The following PXDN variants were observed in gnomAD, a reference collection of about 807,000 sequenced individuals.
The protein encoded by PXDN is peroxidasin homolog.
Under a neutral mutation model 140.3 loss-of-function variants are expected in PXDN, and 77 were observed. The observed-to-expected ratio is 0.55, with a 90% CI of 0.46 to 0.66. PXDN has a LOEUF of 0.66. Among genes scored for constraint, PXDN ranks in the 30% least tolerant of loss-of-function variants. The pLI is 0.00. For missense variants in PXDN, 1,838 were observed against 2,039.5 expected, an observed-to-expected ratio of 0.90 and a Z score of 1.90; for synonymous variants, 911 against 857.4, an observed-to-expected ratio of 1.06 and a Z score of -1.09.
At position 1,649,909 on chromosome 2, in the gene PXDN, T is replaced by C. The variant is rs1451060635; in HGVS notation, c.2105-234A>G. On this transcript the variant is annotated intron_variant, in intron 16 of 22. Coordinates refer to ENST00000252804, the MANE Select transcript of PXDN (RefSeq NM_012293.3). This position sits in a 1 kb window ranked among gnomAD's most constrained non-coding sequence, Gnocchi z 7.1. ...CAGGTATTCTCTCCACAGCCCCAGT[T>C]TCTGGGCCCTGTCTCCCCTCCCCAC... 1.3e-5 allele frequency among the ~76,000 whole-genome samples: 2 copies of C among 152,094 alleles called. No homozygotes were observed. Among genetic ancestry groups the C allele is most frequent in the Non-Finnish European group, 2.9e-5 (2 of 68,006 alleles).
chr2:1,666,636 A>G, intron 9 of PXDN, 150 bp from the exon 10 acceptor site: 1 of 1,123,600 alleles, frequency 8.9e-7, no homozygotes, highest in South Asian at 1.7e-5. Flanking sequence ...TTTTAAAGAA[A>G]TGTGCAGACA....
rs766031278 is a variant in PXDN at position 1,687,719 on chromosome 2, T to C, written c.345-16A>G. 8.7e-6 allele frequency: 13 copies of C among 1,489,902 alleles called. No individual in the cohort carries two copies. The highest frequency in any genetic ancestry group is 1.2e-5 in the Non-Finnish European group (13 of 1,074,512). 92.3% of individuals were successfully genotyped at this position (1,489,902 alleles called of 1,614,324 possible). A position where few individuals can be genotyped will look rare whatever the true frequency, so the allele number is the denominator to read the frequency against. ...GTACAGATAGCTGAAACAAGAAACA[T>C]TGGGGAGCATTAGCACACAGACAGG... On this transcript the variant is annotated splice_polypyrimidine_tract_variant and intron_variant, in intron 3 of 22. Coordinates refer to ENST00000252804, the MANE Select transcript of PXDN (RefSeq NM_012293.3). This position sits in a 1 kb window ranked among gnomAD's most constrained non-coding sequence, Gnocchi z 4.0.
At chr2:1,726,301 C>T (rs1445033390) in intron 1 of PXDN, among the ~76,000 whole-genome samples, 1 of 151,448 alleles carries the variant, frequency 6.6e-6, no homozygotes, top group East Asian at 2.0e-4. Flanking sequence ...AATTGGAAAT[C>T]ATCATTCTCA....
rs1489688344 is a variant in PXDN, at chr2:1,685,813, C to A, written c.417-1662G>T. Reference sequence around the variant, plus strand: ...TGGGGCCCCAGGCAGCCTGGGGTGTCCTCCACCCCTCCCTGAACAATTGAG... The same window carrying A: ...TGGGGCCCCAGGCAGCCTGGGGTGTACTCCACCCCTCCCTGAACAATTGAG... On this transcript the variant is annotated intron_variant, in intron 4 of 22. Transcript: ENST00000252804. The surrounding 1 kb of genome is among the most constrained non-coding windows in gnomAD (Gnocchi z 5.1). Among the ~76,000 whole-genome samples, 2 of 151,974 alleles carry A rather than the reference C, an allele frequency of 1.3e-5. No individual in the cohort carries two copies. The highest frequency in any genetic ancestry group is 2.9e-5 in the Non-Finnish European group (2 of 67,948).
chr2:1,673,692 G>T lies in PXDN; in HGVS notation c.969C>A (p.Ala323=). ...GIYQCMAKNV[A]GEVKTQEVTL... is the part of the protein sequence containing the mutation. ...TCACCTCTTGCGTCTTCACCTCTCC[G>T]GCCACGTTCTTTGCCATGCACTGGT... Residue 323 remains alanine (A), a synonymous_variant, in exon 9 of 23, where the codon GCC becomes GCA. Coordinates refer to ENST00000252804, the MANE Select transcript of PXDN (RefSeq NM_012293.3). The T allele has an allele frequency of 6.2e-7, 1 of 1,613,894 alleles. No individual in the cohort carries two copies.
At chr2:1,637,528 G>A (rs1162456011) in intron 21 of PXDN, among the ~76,000 whole-genome samples, 1 of 150,114 alleles carries the variant, frequency 6.7e-6, no homozygotes, top group Non-Finnish European at 1.5e-5. Flanking sequence ...GCTGCGGAGG[G>A]AGGAAGACCT....
intron 1 of PXDN, among the ~76,000 whole-genome samples, chr2:1,736,447 C>T (rs904213885): frequency 6.6e-6 from 1 of 152,168 alleles, no homozygotes; most frequent in East Asian, 1.9e-4. Context: ...AGAACACACA[C>T]AACATTTAGA....
At chr2:1,699,001 C>A (rs1377761263) in intron 1 of PXDN, among the ~76,000 whole-genome samples, 1 of 151,894 alleles carries the variant, frequency 6.6e-6, no homozygotes, top group African/African-American at 2.4e-5. Flanking sequence ...ATTCTCAAAT[C>A]TTAATGTACT....
chr2:1,694,428 G>C (rs1002974072), intron 1 of PXDN, among the ~76,000 whole-genome samples: 1 of 152,248 alleles, frequency 6.6e-6, no homozygotes, highest in Admixed American at 6.5e-5. Context: ...CAGCCTAGAT[G>C]TCAGTGAATG....
Position 1,659,836 on chromosome 2 carries a change from G to A in PXDN, c.1837+1045C>T, listed in dbSNP as rs144901502. ...AAAAGTCTTTGAGGAATTCCATTAC[G>A]GTTCACATTTATGTCTGCCATGTTC... On this transcript the variant is annotated intron_variant, in intron 14 of 22. Transcript: ENST00000252804. Among the ~76,000 whole-genome samples the A allele has an allele frequency of 2.2e-3, 336 of 152,146 alleles. 5 individuals are homozygous for A. The highest frequency in any genetic ancestry group is 7.8e-3 in the African/African-American group (323 of 41,508).
chr2:1,677,808 G>C (rs1431845976), intron 7 of PXDN, among the ~76,000 whole-genome samples: 2 of 152,256 alleles, frequency 1.3e-5, no homozygotes, highest in East Asian at 3.8e-4. Flanking sequence ...CGTCACCTCA[G>C]TGTGCGAATC....
intron 1 of PXDN, among the ~76,000 whole-genome samples, chr2:1,726,291 A>T (rs1685182413): frequency 6.6e-6 from 1 of 151,714 alleles, no homozygotes; most frequent in Non-Finnish European, 1.5e-5. Flanking sequence ...ACATGGATGA[A>T]ATTGGAAATC....
At position 1,634,250 on chromosome 2, in the gene PXDN, GC is replaced by G; in HGVS notation, c.4393del (p.Ala1465ProfsTer51). 1 of 1,606,856 alleles carries G rather than the reference GC, an allele frequency of 6.2e-7. No individual in the cohort carries two copies. The highest frequency in any genetic ancestry group is 1.1e-5 in the South Asian group (1 of 89,072). On this transcript the variant is annotated frameshift_variant, in exon 23 of 23. Coordinates refer to ENST00000252804, the MANE Select transcript of PXDN (RefSeq NM_012293.3). LOFTEE classifies it low-confidence loss of function (END_TRUNC). ...CTTCTGTAAGCAGACTGGACAGCAG[GC>G]CCCTGGGATGTTCACGGGGACAGCA... ...TCAVPVNIPG[A>X]CCPVCLQKRA...
chr2:1,685,895 T>C lies in PXDN; in HGVS notation c.416+1737A>G, dbSNP rs575123960. On this transcript the variant is annotated intron_variant, in intron 4 of 22. Coordinates refer to ENST00000252804, the MANE Select transcript of PXDN (RefSeq NM_012293.3). The surrounding 1 kb of genome is among the most constrained non-coding windows in gnomAD (Gnocchi z 5.1). Reference sequence around the variant, plus strand: ...CAAGTATACTGAGGTCATCATTGAATTCAAACGCATGTTTCCTGACTGGCC... The same window carrying C: ...CAAGTATACTGAGGTCATCATTGAACTCAAACGCATGTTTCCTGACTGGCC... Among the ~76,000 whole-genome samples the C allele has an allele frequency of 6.6e-6, 1 of 152,262 alleles. No homozygotes were observed. The highest frequency in any genetic ancestry group is 2.1e-4 in the South Asian group (1 of 4,820).
At chr2:1,715,879 C>T (rs942890983) in intron 1 of PXDN, among the ~76,000 whole-genome samples, 2 of 152,194 alleles carry the variant, frequency 1.3e-5, no homozygotes, top group Non-Finnish European at 2.9e-5. Context: ...ATAGTTTTTT[C>T]CAGCAAACAA....
chr2:1,658,760 C>G (rs542070703), intron 14 of PXDN, among the ~76,000 whole-genome samples: 1 of 144,570 alleles, frequency 6.9e-6, no homozygotes, highest in East Asian at 2.1e-4. Context: ...CCCCACCCCC[C>G]GGCATCGGGC....
intron 9 of PXDN, 41 bp from the exon 10 acceptor site, chr2:1,666,527 G>A (rs918071278): frequency 5.2e-6 from 8 of 1,541,376 alleles, no homozygotes; most frequent in East Asian, 2.3e-5. Flanking sequence ...ATTTCTCCCG[G>A]TTTGACATGG....
At position 1,651,769 on chromosome 2, in the gene PXDN, C is replaced by T. The variant is rs1282932417; in HGVS notation, c.2104+1859G>A. Among the ~76,000 whole-genome samples, 1 of 152,236 alleles carries T rather than the reference C, an allele frequency of 6.6e-6. No homozygotes were observed. Among genetic ancestry groups the T allele is most frequent in the Non-Finnish European group, 1.5e-5 (1 of 68,036 alleles). On this transcript the variant is annotated intron_variant, in intron 16 of 22. Coordinates refer to ENST00000252804, the MANE Select transcript of PXDN (RefSeq NM_012293.3). This position sits in a 1 kb window ranked among gnomAD's most constrained non-coding sequence, Gnocchi z 4.4. ...CCATCCCAGCCAGGGCACCACCCACCTCCCGCCTGCTGTTTCTCTCTGGGT... is the reference window on the plus strand; with the variant it reads ...CCATCCCAGCCAGGGCACCACCCACTTCCCGCCTGCTGTTTCTCTCTGGGT...
chr2:1,731,488 G>A (rs1054581024), intron 1 of PXDN, among the ~76,000 whole-genome samples: 1 of 152,148 alleles, frequency 6.6e-6, no homozygotes, highest in African/African-American at 2.4e-5. Context: ...CTCCCCTTCC[G>A]TGACAGCTTC....
Sources: allele counts gnomAD v4.1 joint callset (sites outside exome capture counted in the v4.1 genomes callset), GRCh38; gene constraint gnomAD v4.1.1; non-coding constraint Gnocchi (gnomAD v3.1); transcripts MANE v1.5; gene names NCBI Gene and HGNC (gene_info 2026-07-23, HGNC 2026-07-21).